Variants in NBDY observed in about 807,000 individuals in gnomAD.
NBDY encodes negative regulator of P-body association, also known as P-body dissociating protein.
At chrX:56,742,429 C>T (rs1361198386) in intron 2 of NBDY, among the ~76,000 whole-genome samples, 1 of 111,044 alleles carries the variant, frequency 9.0e-6, no homozygotes, top group Non-Finnish European at 1.9e-5. Flanking sequence ...GTGGCATGGA[C>T]GTTTTAACAA....
At chrX:56,793,495 T>TC (rs775357906) in intron 2 of NBDY, among the ~76,000 whole-genome samples, 22 of 110,584 alleles carry the variant, frequency 2.0e-4, no homozygotes, top group Non-Finnish European at 3.6e-4. Context: ...GTCTTTTTTT[T>TC]CTCCTTCCTC....
At chrX:56,764,001 C>T (rs1265762317) in intron 2 of NBDY, among the ~76,000 whole-genome samples, 2 of 112,359 alleles carry the variant, frequency 1.8e-5, no homozygotes, top group African/African-American at 6.5e-5. Context: ...ACCCCACGAG[C>T]GCAAAAGAGA....
At chrX:56,757,781 G>C (rs2069619280) in intron 2 of NBDY, among the ~76,000 whole-genome samples, 1 of 111,198 alleles carries the variant, frequency 9.0e-6, no homozygotes, top group Non-Finnish European at 1.9e-5. Flanking sequence ...TAGCATGGTG[G>C]GGGGAGCTTG....
At position 56,746,701 on chromosome X, in the gene NBDY, A is replaced by T. The variant is rs774980957; in HGVS notation, c.*166+14502A>T. Among the ~76,000 whole-genome samples, 41 of 110,387 alleles carry T rather than the reference A, an allele frequency of 3.7e-4. No homozygotes were observed. In the South Asian group the frequency reaches 0.016, roughly 43 times the overall value. On this transcript the variant is annotated intron_variant, in intron 2 of 2. Coordinates refer to ENST00000374922, the MANE Select transcript of NBDY (RefSeq NM_001348129.2). ...CAGTTCCTTGCCACTGTAGATCTGT[A>T]GATCTGAGATCCCTTTCTTGCTGGC...
At chrX:56,781,524 G>C (rs1412088179) in intron 2 of NBDY, among the ~76,000 whole-genome samples, 3 of 112,019 alleles carry the variant, frequency 2.7e-5, no homozygotes, top group Non-Finnish European at 5.6e-5. Flanking sequence ...TACTCACAGG[G>C]CTGTCAGCTT....
intron 2 of NBDY, chrX:56,737,677 TC>T (rs912847039): frequency 1.9e-5 from 5 of 264,234 alleles, no homozygotes; most frequent in African/African-American, 1.4e-4. Context: ...TAAAACATTT[TC>T]TTTCATTAAA....
intron 2 of NBDY, among the ~76,000 whole-genome samples, chrX:56,796,178 G>GA (rs1422150249): frequency 8.9e-6 from 1 of 112,063 alleles, no homozygotes; most frequent in Non-Finnish European, 1.9e-5. Context: ...GGGCAGCGGG[G>GA]AGCAGGGCAG....
At chrX:56,765,402 G>A (rs888389953) in intron 2 of NBDY, among the ~76,000 whole-genome samples, 2 of 112,507 alleles carry the variant, frequency 1.8e-5, no homozygotes, top group African/African-American at 6.5e-5. Context: ...TTCAGGGCAA[G>A]GTTCAGCCAG....
intron 2 of NBDY, among the ~76,000 whole-genome samples, chrX:56,795,631 C>T (rs951024251): frequency 1.8e-5 from 2 of 112,062 alleles, no homozygotes; most frequent in Non-Finnish European, 3.8e-5. Flanking sequence ...ATCAGGGGTG[C>T]GTGAACCACT....
chrX:56,745,314 C>G (rs1483973441), intron 2 of NBDY, among the ~76,000 whole-genome samples: 1 of 110,537 alleles, frequency 9.0e-6, no homozygotes, highest in Non-Finnish European at 1.9e-5. Flanking sequence ...TGCAGTTAAT[C>G]ATGGGTAACT....
intron 2 of NBDY, among the ~76,000 whole-genome samples, chrX:56,799,261 A>G (rs1044489621): frequency 1.8e-5 from 2 of 112,257 alleles, no homozygotes; most frequent in African/African-American, 6.5e-5. Context: ...GCATCCCAAA[A>G]CTTCTTTGTT....
intron 2 of NBDY, among the ~76,000 whole-genome samples, chrX:56,762,545 T>C (rs1423386764): frequency 9.0e-6 from 1 of 111,560 alleles, no homozygotes; most frequent in Non-Finnish European, 1.9e-5. Context: ...ACCCATGTGT[T>C]ACTTTTAAGT....
chrX:56,759,277 A>T (rs1004303621), intron 2 of NBDY, among the ~76,000 whole-genome samples: 6 of 111,748 alleles, frequency 5.4e-5, no homozygotes, highest in Non-Finnish European at 9.4e-5. Context: ...ATCCCAGTCC[A>T]CCTGTGGTGT....
At chrX:56,759,165 C>T (rs1490215710) in intron 2 of NBDY, among the ~76,000 whole-genome samples, 1 of 112,364 alleles carries the variant, frequency 8.9e-6, no homozygotes. Flanking sequence ...GTGGTAATCT[C>T]AACCAGGAGC....
intron 2 of NBDY, among the ~76,000 whole-genome samples, chrX:56,781,673 G>T (rs1475061555): frequency 1.8e-5 from 2 of 111,582 alleles, no homozygotes; most frequent in Non-Finnish European, 3.8e-5. Flanking sequence ...TGTTTATGGA[G>T]GTCACAATCA....
chrX:56,756,266 A>G (rs2069610463), intron 2 of NBDY, among the ~76,000 whole-genome samples: 1 of 109,726 alleles, frequency 9.1e-6, no homozygotes, highest in Non-Finnish European at 1.9e-5. Flanking sequence ...CATTGTGCAC[A>G]TATACCCTAA....
intron 2 of NBDY, among the ~76,000 whole-genome samples, chrX:56,810,220 T>G (rs2069878937): frequency 1.8e-5 from 2 of 111,427 alleles, no homozygotes; most frequent in Admixed American, 1.9e-4. Context: ...CTGACAATTA[T>G]GTGTCTTGGG....
intron 2 of NBDY, among the ~76,000 whole-genome samples, chrX:56,767,581 T>C (rs929668287): frequency 9.7e-5 from 11 of 113,226 alleles, no homozygotes; most frequent in Non-Finnish European, 1.9e-4. Flanking sequence ...GGCCCCGCAC[T>C]CCGAGCAGCC....
chrX:56,767,772 G>A (rs1016631102), intron 2 of NBDY, among the ~76,000 whole-genome samples: 1 of 104,241 alleles, frequency 9.6e-6, no homozygotes, highest in Non-Finnish European at 2.0e-5. Flanking sequence ...CAGGGTTGTG[G>A]TTGTACTTGG....
Sources: allele counts gnomAD v4.1 joint callset (sites outside exome capture counted in the v4.1 genomes callset), GRCh38; gene constraint gnomAD v4.1.1; transcripts MANE v1.5; gene names NCBI Gene and HGNC (gene_info 2026-07-23, HGNC 2026-07-21).